Variants in CDH12 observed in about 807,000 individuals in gnomAD.
CDH12 encodes the protein cadherin-12.
Under a neutral mutation model 74.1 loss-of-function variants are expected in CDH12, and 41 were observed. The ratio of observed to expected loss-of-function variants is 0.55; its 90% CI spans 0.43 to 0.72. CDH12 has a LOEUF of 0.72. Ranked by LOEUF, CDH12 falls within the 30% of genes least tolerant of loss-of-function variation. CDH12 has a pLI of 0.00. For missense variants in CDH12, 945 were observed against 977.2 expected (o/e 0.97, Z 0.44); for synonymous variants, 399 against 355.0 (o/e 1.12, Z -1.39).
At chr5:21,882,385 A>T (rs10755282) in intron 6 of CDH12, among the ~76,000 whole-genome samples, 145,423 of 152,308 alleles carry the variant, frequency 0.95, 69,811 homozygotes, top group Non-Finnish European at 1. Flanking sequence ...ATTGATTTTT[A>T]AATCAGAAAA....
chr5:22,791,846 C>G (rs1480483404), intron 1 of CDH12, among the ~76,000 whole-genome samples: 1 of 152,130 alleles, frequency 6.6e-6, no homozygotes, highest in Non-Finnish European at 1.5e-5. Flanking sequence ...AAATCCGCCT[C>G]TGTGATCCAA....
At chr5:21,914,975 A>G (rs1015780988) in intron 6 of CDH12, among the ~76,000 whole-genome samples, 1 of 152,168 alleles carries the variant, frequency 6.6e-6, no homozygotes, top group African/African-American at 2.4e-5. Flanking sequence ...AGAATGTGAG[A>G]GATGAGGCAA....
intron 3 of CDH12, among the ~76,000 whole-genome samples, chr5:22,307,213 T>C (rs183207906): frequency 6.6e-6 from 1 of 152,318 alleles, no homozygotes; most frequent in Admixed American, 6.5e-5. Context: ...AGAGCATGGC[T>C]CTGAATTCCA....
chr5:22,236,213 T>C (rs1752554287), intron 3 of CDH12, among the ~76,000 whole-genome samples: 1 of 152,236 alleles, frequency 6.6e-6, no homozygotes, highest in Non-Finnish European at 1.5e-5. Context: ...TAGGCTATAC[T>C]AAATGTATAC....
At chr5:22,432,143 T>C (rs1479376790) in intron 2 of CDH12, among the ~76,000 whole-genome samples, 1 of 152,152 alleles carries the variant, frequency 6.6e-6, no homozygotes, top group East Asian at 1.9e-4. Context: ...TTATATTTTA[T>C]ATTGTATTTT....
chr5:22,073,989 T>C (rs1331581431), intron 5 of CDH12, among the ~76,000 whole-genome samples: 5 of 152,276 alleles, frequency 3.3e-5, no homozygotes, highest in South Asian at 2.1e-4. Context: ...ACAGTTGATC[T>C]TAGAACAATG....
chr5:22,532,388 C>CATATATATATATATATG (rs1232423442), intron 1 of CDH12, among the ~76,000 whole-genome samples: 1 of 48,510 alleles, frequency 2.1e-5, no homozygotes, highest in African/African-American at 9.0e-5. Context: ...TGTATGTATC[C>CATATATATATATATATG]TATTTTGCTC....
At chr5:22,515,273 G>A (rs1391199571) in intron 1 of CDH12, among the ~76,000 whole-genome samples, 1 of 152,056 alleles carries the variant, frequency 6.6e-6, no homozygotes. Context: ...CAGGTAAAAG[G>A]AATTCAGATA....
intron 2 of CDH12, among the ~76,000 whole-genome samples, chr5:22,490,789 G>A (rs1241142149): frequency 6.6e-6 from 1 of 152,034 alleles, no homozygotes; most frequent in African/African-American, 2.4e-5. Flanking sequence ...TGAAAATGTA[G>A]GGAGAACTAA....
At chr5:22,648,398 T>C (rs1739553726) in intron 1 of CDH12, among the ~76,000 whole-genome samples, 1 of 151,844 alleles carries the variant, frequency 6.6e-6, no homozygotes, top group Admixed American at 6.6e-5. Flanking sequence ...ACTGCTTTCT[T>C]ATACCTAAAT....
chr5:22,413,112 T>A (rs1743229682), intron 2 of CDH12, among the ~76,000 whole-genome samples: 1 of 152,022 alleles, frequency 6.6e-6, no homozygotes, highest in South Asian at 2.1e-4. Context: ...TGCTTAACTT[T>A]GTTTACTACT....
chr5:22,220,117 G>A (rs150100180), intron 3 of CDH12, among the ~76,000 whole-genome samples: 1,589 of 151,782 alleles, frequency 0.01, 9 homozygotes, highest in Non-Finnish European at 0.015. Flanking sequence ...TAGAAGGAAT[G>A]TTAAAAATAT....
intron 2 of CDH12, among the ~76,000 whole-genome samples, chr5:22,453,811 T>C (rs1346533229): frequency 6.6e-6 from 1 of 152,148 alleles, no homozygotes; most frequent in African/African-American, 2.4e-5. Context: ...CATTACACGA[T>C]GTATACATGT....
intron 3 of CDH12, among the ~76,000 whole-genome samples, chr5:22,324,037 G>A (rs924526861): frequency 1.3e-5 from 2 of 152,058 alleles, no homozygotes; most frequent in African/African-American, 4.8e-5. Context: ...TATATTAAAT[G>A]TTTTTTGTTT....
At chr5:22,051,705 G>C (rs1301446092) in intron 5 of CDH12, among the ~76,000 whole-genome samples, 1 of 152,072 alleles carries the variant, frequency 6.6e-6, no homozygotes, top group East Asian at 1.9e-4. Context: ...ATCATTTTAA[G>C]TATTTCTCCT....
At chr5:21,832,193 A>G (rs1418896536) in intron 8 of CDH12, among the ~76,000 whole-genome samples, 1 of 152,162 alleles carries the variant, frequency 6.6e-6, no homozygotes, top group Admixed American at 6.6e-5. Context: ...TAATGGCACC[A>G]TGAAACAGCC....
intron 1 of CDH12, among the ~76,000 whole-genome samples, chr5:22,676,552 C>T (rs1353450899): frequency 6.6e-6 from 1 of 152,182 alleles, no homozygotes; most frequent in Admixed American, 6.5e-5. Flanking sequence ...GGATTCTGGT[C>T]AGACACATGC....
chr5:21,817,156 A>G, intron 8 of CDH12, 24 bp from the exon 9 acceptor site: 1 of 1,536,294 alleles, frequency 6.5e-7, no homozygotes. Flanking sequence ...TAAAATTTGA[A>G]TTGACAGTGG....
At chr5:21,757,063 T>G (rs1223091429) in intron 13 of CDH12, among the ~76,000 whole-genome samples, 1 of 152,186 alleles carries the variant, frequency 6.6e-6, no homozygotes, top group Non-Finnish European at 1.5e-5. Flanking sequence ...AAATGACTAA[T>G]AGAAATAGAA....
Sources: allele counts gnomAD v4.1 joint callset (sites outside exome capture counted in the v4.1 genomes callset), GRCh38; gene constraint gnomAD v4.1.1; transcripts MANE v1.5; gene names NCBI Gene and HGNC (gene_info 2026-07-23, HGNC 2026-07-21).